RBIS: variants seen among roughly 807,000 people sequenced by gnomAD.
The protein encoded by RBIS is ribosome biogenesis factor identified in screen.
Under a neutral mutation model 9.8 loss-of-function variants are expected in RBIS, and 9 were observed. The observed-to-expected ratio is 0.92, with a 90% CI of 0.56 to 1.61. The LOEUF is 1.61. Ranked by LOEUF, RBIS falls within the 40% of genes most tolerant of loss-of-function variation. The probability of loss-of-function intolerance (pLI) is 0.00; values close to 1 mark genes in which losing one functional copy is unlikely to be tolerated. For synonymous variants in RBIS, 35 were observed against 37.9 expected, an observed-to-expected ratio of 0.92 and a Z score of 0.28; for missense variants, 103 against 116.0, an observed-to-expected ratio of 0.89 and a Z score of 0.51.
intron 1 of RBIS, among the ~76,000 whole-genome samples, chr8:85,218,282 A>C (rs1167797356): frequency 1.3e-5 from 2 of 152,146 alleles, no homozygotes; most frequent in Non-Finnish European, 2.9e-5. Flanking sequence ...TAAAGATTAA[A>C]ATTAAAAAAC....
chr8:85,217,678 G>A, intron 1 of RBIS, 176 bp from the exon 2 acceptor site: 1 of 596,396 alleles, frequency 1.7e-6, no homozygotes, highest in Non-Finnish European at 3.0e-6. Context: ...TCTGCTCTTT[G>A]AGTACAGAGT....
Position 85,217,339 on chromosome 8 carries a change from C to G in RBIS, c.114+47G>C, listed in dbSNP as rs184393416. 6.2e-5 allele frequency: 66 copies of G among 1,072,776 alleles called. No individual in the cohort carries two copies. In the African/African-American group the frequency reaches 9.3e-4, roughly 15 times the overall value. 66.5% of individuals were successfully genotyped at this position (1,072,776 alleles called of 1,614,324 possible). On this transcript the variant is annotated intron_variant, in intron 2 of 3. Coordinates refer to ENST00000619594, the MANE Select transcript of RBIS (RefSeq NM_001099673.3). ...ACAGCTGTTCAGTAGCTTACAATGA[C>G]ACTTTGCTTGTAAACAATAAAGTCA... is the stretch of plus-strand genomic sequence containing the variant.
At chr8:85,219,183 C>G (rs1361736239) in intron 1 of RBIS, 1 of 152,240 alleles carries the variant, frequency 6.6e-6, no homozygotes, top group Non-Finnish European at 1.5e-5. Context: ...CTCTAGCCAG[C>G]CTGGTCTAAC....
At chr8:85,219,587 T>TA (rs1054666850) in intron 1 of RBIS, among the ~76,000 whole-genome samples, 2 of 151,382 alleles carry the variant, frequency 1.3e-5, no homozygotes, top group African/African-American at 2.4e-5. Context: ...CCGTTTCCAC[T>TA]AAAAAAAATT....
At chr8:85,218,461 C>T (rs1436406881) in intron 1 of RBIS, among the ~76,000 whole-genome samples, 4 of 152,120 alleles carry the variant, frequency 2.6e-5, no homozygotes, top group Non-Finnish European at 5.9e-5. Flanking sequence ...TAGTTCAGGA[C>T]TGGATTACTG....
chr8:85,215,152 A>T, intron 2 of RBIS, 115 bp from the exon 3 acceptor site: 2 of 474,198 alleles, frequency 4.2e-6, no homozygotes, highest in Non-Finnish European at 7.4e-6. Context: ...CAAATTAGGG[A>T]TAATTCACTC....
chr8:85,218,265 C>A (rs919082584), intron 1 of RBIS, among the ~76,000 whole-genome samples: 2 of 151,972 alleles, frequency 1.3e-5, no homozygotes, highest in African/African-American at 4.8e-5. Flanking sequence ...TACTATTATC[C>A]CCATTTTAAA....
intron 1 of RBIS, chr8:85,217,726 C>A: frequency 1.9e-6 from 1 of 534,480 alleles, no homozygotes. Context: ...AGTAATGGGC[C>A]CATAGGAGGC....
intron 1 of RBIS, chr8:85,219,422 T>G (rs191387565): frequency 3.7e-4 from 56 of 152,198 alleles, no homozygotes; most frequent in Admixed American, 3.5e-3. Flanking sequence ...AAAAATAAAA[T>G]ACACATAATA....
chr8:85,214,641 G>C lies in RBIS; in HGVS notation c.232-10C>G. ...GACGCTGCTGAGGAATCTGAAAGGA[G>C]AAAGTATTATATTTAAAAACACAGA... On this transcript the variant is annotated splice_polypyrimidine_tract_variant and intron_variant, in intron 3 of 3. Transcript: ENST00000619594. 6.7e-7 allele frequency: 1 copy of C among 1,490,406 alleles called. No homozygotes were observed. The highest frequency in any genetic ancestry group is 1.7e-4 in the Middle Eastern group (1 of 5,844). The allele number at this position is 1,490,406 out of a possible 1,614,324, so 92.3% of individuals were successfully genotyped here. A position where few individuals can be genotyped will look rare whatever the true frequency, so the allele number is the denominator to read the frequency against.
intron 2 of RBIS, chr8:85,215,297 T>G (rs758434348): frequency 4.2e-5 from 8 of 192,376 alleles, no homozygotes; most frequent in Non-Finnish European, 8.4e-5. Context: ...TGATTCATAA[T>G]AAGATATATA....
At chr8:85,216,891 A>G (rs1023409617) in intron 2 of RBIS, 1 of 158,884 alleles carries the variant, frequency 6.3e-6, no homozygotes, top group East Asian at 1.8e-4. Context: ...ATTTTGAAAT[A>G]TAAACAAAGA....
chr8:85,215,182 T>C, intron 2 of RBIS, 145 bp from the exon 3 acceptor site: 1 of 441,516 alleles, frequency 2.3e-6, no homozygotes, highest in Non-Finnish European at 4.0e-6. Flanking sequence ...TATAGTCTTA[T>C]TGGGAAATTA....
In RBIS at chr8:85,215,015, T is replaced by C. The variant is rs1200126791; in HGVS notation, c.137A>G (p.Lys46Arg). ...LKKINIMNEE[K>R]VNRVNKAFVN... ...AAAAGCTTTATTTACTCTGTTAACT[T>C]TTTCCTCATTCATAATGTTTATCTT... Residue 46 changes from lysine (K) to arginine (R), a missense_variant, in exon 3 of 4, where the codon AAA becomes AGA. Lys to Arg is a conservative substitution (Grantham distance 26, BLOSUM62 2). Coordinates refer to ENST00000619594, the MANE Select transcript of RBIS (RefSeq NM_001099673.3). The C allele has an allele frequency of 1.3e-6, 2 of 1,484,040 alleles. No homozygotes were observed. Among genetic ancestry groups the C allele is most frequent in the Admixed American group, 3.8e-5 (2 of 53,258 alleles). 91.9% of individuals were successfully genotyped at this position (1,484,040 alleles called of 1,614,324 possible). A position where few individuals can be genotyped will look rare whatever the true frequency, so the allele number is the denominator to read the frequency against.
chr8:85,220,279 A>C (rs958621346), intron 1 of RBIS, 27 bp downstream of exon 1: 5 of 152,334 alleles, frequency 3.3e-5, no homozygotes, highest in Admixed American at 2.6e-4. Context: ...CCAGCCCTCC[A>C]GAAAACTTAA....
intron 1 of RBIS, chr8:85,219,036 C>T (rs2129839515): frequency 6.6e-6 from 1 of 152,362 alleles, no homozygotes; most frequent in African/African-American, 2.4e-5. Context: ...ATGCGATCGA[C>T]CTTCCCAATG....
At chr8:85,219,860 A>AT in intron 1 of RBIS, among the ~76,000 whole-genome samples, 1 of 152,308 alleles carries the variant, frequency 6.6e-6, no homozygotes, top group South Asian at 2.1e-4. Context: ...ATACACAAAA[A>AT]ATATATATGG....
chr8:85,217,597 C>A, intron 1 of RBIS, 95 bp from the exon 2 acceptor site: 2 of 750,758 alleles, frequency 2.7e-6, no homozygotes, highest in East Asian at 2.5e-5. Flanking sequence ...CTAAAAAATT[C>A]TATCTTACTC....
chr8:85,217,335 A>C (rs1341112804), intron 2 of RBIS, 51 bp downstream of exon 2: 1 of 1,058,770 alleles, frequency 9.4e-7, no homozygotes, highest in Non-Finnish European at 1.5e-6. Flanking sequence ...GTAGCTTACA[A>C]TGACACTTTG....
Sources: allele counts gnomAD v4.1 joint callset (sites outside exome capture counted in the v4.1 genomes callset), GRCh38; gene constraint gnomAD v4.1.1; transcripts MANE v1.5; gene names NCBI Gene and HGNC (gene_info 2026-07-23, HGNC 2026-07-21).